Variants in USP40 observed in about 807,000 individuals in gnomAD.
The protein encoded by USP40 is ubiquitin carboxyl-terminal hydrolase 40.
In USP40, 143 loss-of-function variants were observed where a neutral mutation model predicts 166.2. The ratio of observed to expected loss-of-function variants is 0.86; its 90% CI spans 0.75 to 0.99. USP40 has a LOEUF of 0.99. USP40 is among the 50% of genes least tolerant of loss of function. USP40 has a pLI of 0.00. For missense variants in USP40, 1,444 were observed against 1,479.7 expected (o/e 0.98, Z 0.40); for synonymous variants, 498 against 524.0 (o/e 0.95, Z 0.68).
chr2:233,537,303 T>A (rs1336601100), intron 10 of USP40, among the ~76,000 whole-genome samples: 3 of 152,144 alleles, frequency 2.0e-5, no homozygotes, highest in Non-Finnish European at 4.4e-5. Context: ...GATGTGGGTG[T>A]CATCTGGGGA....
At chr2:233,501,725 A>C (rs993338164) in intron 21 of USP40, among the ~76,000 whole-genome samples, 1 of 152,256 alleles carries the variant, frequency 6.6e-6, no homozygotes. Flanking sequence ...CAAGTAAAAA[A>C]TGGAGTTGCC....
chr2:233,479,657 GTGTC>G (rs1422948778), intron 31 of USP40, among the ~76,000 whole-genome samples: 1 of 151,432 alleles, frequency 6.6e-6, no homozygotes, highest in Non-Finnish European at 1.5e-5. Flanking sequence ...GTGTGTGTGT[GTGTC>G]TGACCTTTAA....
In USP40 at chr2:233,549,128, A is replaced by G. The variant is rs1395284517; in HGVS notation, c.939T>C (p.Val313=). The G allele has an allele frequency of 1.3e-6, 2 of 1,599,706 alleles. No homozygotes were observed. Among genetic ancestry groups the G allele is most frequent in the African/African-American group, 1.3e-5 (1 of 74,424 alleles). The part of the protein sequence containing the change: ...GGHYHVYIKD[V]DHLGNWQFQE... Reference sequence around the variant, plus strand: ...GAAACTGCCAGTTTCCCAAATGATCAACATCTTTAATATATACATGGTAAT... The same window carrying G: ...GAAACTGCCAGTTTCCCAAATGATCGACATCTTTAATATATACATGGTAAT... Residue 313 remains valine (V), a synonymous_variant, in exon 8 of 32, where the codon GTT becomes GTC. Coordinates refer to ENST00000678225, the MANE Select transcript of USP40 (RefSeq NM_001365479.2).
At chr2:233,559,681 G>A (rs139962694) in intron 4 of USP40, 130 bp downstream of exon 4, 1 of 530,042 alleles carries the variant, frequency 1.9e-6, no homozygotes, top group Non-Finnish European at 3.1e-6. Flanking sequence ...ATTTTTTAAT[G>A]TGAGAAGGAA....
chr2:233,517,454 G>A (rs1443220469), intron 18 of USP40, among the ~76,000 whole-genome samples: 3 of 146,524 alleles, frequency 2.0e-5, no homozygotes, highest in South Asian at 2.1e-4. Context: ...GCGCGATCTC[G>A]GCTCACTACA....
intron 25 of USP40, among the ~76,000 whole-genome samples, chr2:233,491,792 T>C (rs1184796445): frequency 6.6e-6 from 1 of 152,126 alleles, no homozygotes; most frequent in African/African-American, 2.4e-5. Context: ...ATCTTGACAA[T>C]AAGAAGGCCT....
intron 10 of USP40, among the ~76,000 whole-genome samples, chr2:233,534,631 G>A (rs2125284732): frequency 6.6e-6 from 1 of 152,254 alleles, no homozygotes; most frequent in South Asian, 2.1e-4. Flanking sequence ...AGAGTGTAGG[G>A]CATAACCCAA....
chr2:233,485,371 A>G (rs1269112524), intron 30 of USP40, among the ~76,000 whole-genome samples, 160 bp downstream of exon 30: 1 of 152,180 alleles, frequency 6.6e-6, no homozygotes, highest in Non-Finnish European at 1.5e-5. Context: ...GTGGCCTTGT[A>G]AAGTCAGTTG....
intron 20 of USP40, among the ~76,000 whole-genome samples, chr2:233,510,844 T>A (rs2066779289): frequency 6.6e-6 from 1 of 152,206 alleles, no homozygotes; most frequent in Non-Finnish European, 1.5e-5. Context: ...GCCAAGGGTT[T>A]CAAATATTAC....
At chr2:233,564,736 C>T (rs949552159) in intron 2 of USP40, among the ~76,000 whole-genome samples, 1 of 152,134 alleles carries the variant, frequency 6.6e-6, no homozygotes, top group Non-Finnish European at 1.5e-5. Flanking sequence ...ACATTCCCAG[C>T]AGGGTCTGGG....
chr2:233,561,426 T>C (rs1436287262), intron 3 of USP40, among the ~76,000 whole-genome samples: 1 of 150,744 alleles, frequency 6.6e-6, no homozygotes, highest in Non-Finnish European at 1.5e-5. Flanking sequence ...TATCTACAAC[T>C]ATCTGATCTT....
At chr2:233,553,234 G>C (rs2070747315) in intron 6 of USP40, among the ~76,000 whole-genome samples, 2 of 152,058 alleles carry the variant, frequency 1.3e-5, no homozygotes, top group Admixed American at 6.6e-5. Flanking sequence ...TAATGCTTTT[G>C]GTGGAAATTA....
Position 233,489,387 on chromosome 2 carries a change from G to C in USP40, c.3109C>G (p.Arg1037Gly). 1 of 1,596,668 alleles carries C rather than the reference G, an allele frequency of 6.3e-7. No homozygotes were observed. Among genetic ancestry groups the C allele is most frequent in the Non-Finnish European group, 8.5e-7 (1 of 1,171,844 alleles). ...TACCTGAGTGGCTGCCGGTCAGTTC[G>C]TAAAAGCCTGCCTGGGCGCTTCCTC... ...VERKRPGRLLRTDRQPLREYK... is the reference protein window; with the variant it reads ...VERKRPGRLLGTDRQPLREYK... Residue 1037 changes from arginine (R) to glycine (G), a missense_variant, in exon 27 of 32, where the codon CGA becomes GGA. By Grantham distance (125) the Arg-to-Gly change is moderately radical. Coordinates refer to ENST00000678225, the MANE Select transcript of USP40 (RefSeq NM_001365479.2).
chr2:233,519,445 A>C, intron 18 of USP40, 169 bp downstream of exon 18: 1 of 536,676 alleles, frequency 1.9e-6, no homozygotes, highest in South Asian at 2.1e-5. Context: ...CTTCATTTAT[A>C]ATGTTTCAAA....
Position 233,480,881 on chromosome 2 carries a change from G to T in USP40, c.3599+322C>A, listed in dbSNP as rs79931886. Among the ~76,000 whole-genome samples the T allele has an allele frequency of 6.6e-5, 10 of 152,290 alleles. No individual in the cohort carries two copies. Among genetic ancestry groups the T allele is most frequent in the African/African-American group, 1.7e-4 (7 of 41,556 alleles). On this transcript the variant is annotated intron_variant, in intron 31 of 31. Coordinates refer to ENST00000678225, the MANE Select transcript of USP40 (RefSeq NM_001365479.2). This position sits in a 1 kb window ranked among gnomAD's most constrained non-coding sequence, Gnocchi z 4.5. ...TGGAGACCTGAGGGTGTGGGAACCT[G>T]AAGGGAAAGCCAAGAGCCAGGCAGA...
chr2:233,523,368 A>AT lies in USP40; in HGVS notation c.2002_2003insA (p.Phe668TyrfsTer4), dbSNP rs778457928. Reference sequence around the variant, plus strand: ...AGTGCCCACTTCTGCATTAGCTGGAAAGACATGTGGAGATTCTATCACCTG... The same window carrying AT: ...AGTGCCCACTTCTGCATTAGCTGGAATAGACATGTGGAGATTCTATCACCTG... On this transcript the variant is annotated frameshift_variant, in exon 16 of 32. Transcript: ENST00000678225. LOFTEE classifies it high-confidence loss of function. 6.2e-7 allele frequency: 1 copy of AT among 1,614,000 alleles called. No individual in the cohort carries two copies. Among genetic ancestry groups the AT allele is most frequent in the Admixed American group, 1.7e-5 (1 of 60,024 alleles).
intron 24 of USP40, among the ~76,000 whole-genome samples, chr2:233,494,953 T>TACATATATATACATATA (rs2065624439): frequency 3.4e-5 from 1 of 29,174 alleles, no homozygotes; most frequent in Non-Finnish European, 6.0e-5. Context: ...TATATATATA[T>TACATATATATACATATA]ATTTATATAT....
At chr2:233,524,099 T>C (rs112799353) in intron 15 of USP40, among the ~76,000 whole-genome samples, 468 of 152,296 alleles carry the variant, frequency 3.1e-3, no homozygotes, top group African/African-American at 0.011. Context: ...TAATATCTAA[T>C]TGCCCTCACA....
chr2:233,540,987 C>T (rs1054451950), intron 9 of USP40, among the ~76,000 whole-genome samples: 1 of 152,160 alleles, frequency 6.6e-6, no homozygotes, highest in East Asian at 1.9e-4. Flanking sequence ...TTCCATGTGC[C>T]ATCTTCCATT....
Sources: allele counts gnomAD v4.1 joint callset (sites outside exome capture counted in the v4.1 genomes callset), GRCh38; gene constraint gnomAD v4.1.1; non-coding constraint Gnocchi (gnomAD v3.1); transcripts MANE v1.5; gene names NCBI Gene and HGNC (gene_info 2026-07-23, HGNC 2026-07-21).